The following JARID2 variants were observed in gnomAD, a reference collection of about 807,000 sequenced individuals.
JARID2 encodes protein Jumonji.
Under a neutral mutation model 125.6 loss-of-function variants are expected in JARID2, and 21 were observed. The observed-to-expected ratio is 0.17, with a 90% CI of 0.12 to 0.24. The LOEUF is 0.24. JARID2 is among the 10% of genes least tolerant of loss of function. The pLI, the probability that JARID2 is intolerant of heterozygous loss-of-function variation, is 1.00. For synonymous variants in JARID2, 736 were observed against 661.6 expected (o/e 1.11, Z -1.73); for missense variants, 1,303 against 1,639.6 (o/e 0.79, Z 3.55).
intron 4 of JARID2, among the ~76,000 whole-genome samples, chr6:15,457,671 G>A (rs1418317936): frequency 6.6e-6 from 1 of 150,854 alleles, no homozygotes; most frequent in African/African-American, 2.4e-5. Context: ...ACTTCTTTGG[G>A]ATTTGGAAGA....
intron 1 of JARID2, among the ~76,000 whole-genome samples, chr6:15,372,374 T>C (rs1056987479): frequency 6.6e-5 from 10 of 152,176 alleles, no homozygotes; most frequent in Non-Finnish European, 1.2e-4. Flanking sequence ...TTATTATTAT[T>C]TTTAGACAGA....
chr6:15,468,954 G>A (rs1768882974), intron 5 of JARID2, among the ~76,000 whole-genome samples: 2 of 152,150 alleles, frequency 1.3e-5, no homozygotes, highest in African/African-American at 4.8e-5. Context: ...TATAAGAGCT[G>A]TAGATAAACA....
intron 1 of JARID2, among the ~76,000 whole-genome samples, chr6:15,266,620 A>G (rs1760093304): frequency 6.6e-6 from 1 of 152,146 alleles, no homozygotes; most frequent in Non-Finnish European, 1.5e-5. Context: ...TCTTTCATCA[A>G]AGTTTCTTCT....
At chr6:15,320,944 A>G (rs936960528) in intron 1 of JARID2, among the ~76,000 whole-genome samples, 2 of 151,392 alleles carry the variant, frequency 1.3e-5, no homozygotes, top group African/African-American at 4.9e-5. Flanking sequence ...ATGCTGGTAC[A>G]TTTTCTCATC....
chr6:15,295,089 G>A (rs1231809152), intron 1 of JARID2, among the ~76,000 whole-genome samples: 1 of 150,562 alleles, frequency 6.6e-6, no homozygotes, highest in Non-Finnish European at 1.5e-5. Context: ...GACCATTTGT[G>A]TGACCAGATG....
intron 1 of JARID2, among the ~76,000 whole-genome samples, chr6:15,356,556 T>C (rs1157702754): frequency 1.3e-5 from 2 of 152,222 alleles, no homozygotes; most frequent in South Asian, 4.1e-4. Context: ...GAGAGCATTT[T>C]TTTTTTAGGC....
At position 15,521,468 on chromosome 6, in the gene JARID2, G is replaced by A. The variant is rs1771848870; in HGVS notation, c.*1217G>A. The A allele has an allele frequency of 6.6e-6, 1 of 151,974 alleles. No individual in the cohort carries two copies. The highest frequency in any genetic ancestry group is 2.4e-5 in the African/African-American group (1 of 41,332). 9.4% of individuals were successfully genotyped at this position (151,974 alleles called of 1,614,324 possible). A position where few individuals can be genotyped will look rare whatever the true frequency, so the allele number is the denominator to read the frequency against. ...AGATGAAGAAAAGCCTTACATTTCAGTTTCTTCATCGGTTGGATTGGATGC... is the reference window on the plus strand; with the variant it reads ...AGATGAAGAAAAGCCTTACATTTCAATTTCTTCATCGGTTGGATTGGATGC... On this transcript the variant is annotated 3_prime_UTR_variant, in exon 18 of 18. Transcript: ENST00000341776.
chr6:15,440,808 A>G (rs546556617), intron 3 of JARID2, among the ~76,000 whole-genome samples: 1 of 152,344 alleles, frequency 6.6e-6, no homozygotes, highest in African/African-American at 2.4e-5. Context: ...GTTTTCCTAA[A>G]GTTCATTAGC....
chr6:15,291,928 A>G (rs1195916509), intron 1 of JARID2, among the ~76,000 whole-genome samples: 2 of 152,062 alleles, frequency 1.3e-5, no homozygotes, highest in Non-Finnish European at 2.9e-5. Context: ...CATATGTTCC[A>G]TAATAACAAA....
At chr6:15,432,301 G>A (rs774345317) in intron 3 of JARID2, among the ~76,000 whole-genome samples, 9 of 152,014 alleles carry the variant, frequency 5.9e-5, no homozygotes, top group African/African-American at 7.3e-5. Flanking sequence ...GGTGGCTCAC[G>A]CCTATAATCC....
chr6:15,452,827 G>T (rs530887114), intron 4 of JARID2, among the ~76,000 whole-genome samples: 2 of 152,232 alleles, frequency 1.3e-5, no homozygotes, highest in African/African-American at 4.8e-5. Flanking sequence ...GAACACAGAA[G>T]ATTGAGAGAA....
intron 4 of JARID2, among the ~76,000 whole-genome samples, chr6:15,456,413 A>AT: frequency 6.6e-6 from 1 of 152,346 alleles, no homozygotes; most frequent in African/African-American, 2.4e-5. Flanking sequence ...TTTAAAACAA[A>AT]TTTAAAAAAA....
chr6:15,413,002 G>GTTTTTTTTTTTTTTTTTT lies in JARID2; in HGVS notation c.323+2642_323+2643insTTTTTTTTTTTTTTTTTT, dbSNP rs745910520. On this transcript the variant is annotated intron_variant, in intron 3 of 17. Transcript: ENST00000341776. ...AACATTATACATGGGAAGAGCTTGTGTTTTTGTTTTTTTTTTTTTTGTTTT... is the reference window on the plus strand; with the variant it reads ...AACATTATACATGGGAAGAGCTTGTGTTTTTTTTTTTTTTTTTTTTTTTGTTTTTTTTTTTTTTGTTTT... Among the ~76,000 whole-genome samples, 30 of 46,554 alleles carry GTTTTTTTTTTTTTTTTTT rather than the reference G, an allele frequency of 6.4e-4. 8 individuals are homozygous for GTTTTTTTTTTTTTTTTTT. The highest frequency in any genetic ancestry group is 1.3e-3 in the African/African-American group (14 of 10,770). 30.5% of individuals were successfully genotyped at this position (46,554 alleles called of 152,430 possible). A position where few individuals can be genotyped will look rare whatever the true frequency, so the allele number is the denominator to read the frequency against.
intron 3 of JARID2, among the ~76,000 whole-genome samples, chr6:15,415,522 G>T (rs926644369): frequency 4.6e-5 from 6 of 129,966 alleles, no homozygotes; most frequent in Admixed American, 3.7e-4. Flanking sequence ...GGGCTGCCGG[G>T]CAGAGGCGCC....
At chr6:15,510,013 C>T (rs1429974195) in intron 12 of JARID2, among the ~76,000 whole-genome samples, 1 of 152,158 alleles carries the variant, frequency 6.6e-6, no homozygotes, top group Non-Finnish European at 1.5e-5. Flanking sequence ...AAAAAAAATA[C>T]TTCCTTCACT....
In JARID2 at chr6:15,496,599, G is replaced by A; in HGVS notation, c.1374G>A (p.Lys458=). 8 of 1,603,338 alleles carry A rather than the reference G, an allele frequency of 5.0e-6. No individual in the cohort carries two copies. Among genetic ancestry groups the A allele is most frequent in the Non-Finnish European group, 6.8e-6 (8 of 1,176,472 alleles). ...CGGAGAAGCCGCAGTCGCCCCCCAA[G>A]AAGATGAAAGGGGCGGCTGGCCCCG... The part of the protein sequence containing the change: ...HQAEKPQSPP[K]KMKGAAGPAE... The change falls in exon 7 of 18, where the codon AAG becomes AAA. Residue 458 remains lysine (K), a synonymous_variant. Coordinates refer to ENST00000341776, the MANE Select transcript of JARID2 (RefSeq NM_004973.4).
rs112824332 is a variant in JARID2, at chr6:15,519,771, G to A, written c.3559-298G>A. On this transcript the variant is annotated intron_variant, in intron 17 of 17. Coordinates refer to ENST00000341776, the MANE Select transcript of JARID2 (RefSeq NM_004973.4). ...CCTGGGTCTCTTTGCTGAGTGCTCC[G>A]TGGTAGAGGCAGTGCTCTGGGCTCC... Among the ~76,000 whole-genome samples, 590 of 152,244 alleles carry A rather than the reference G, an allele frequency of 3.9e-3. 5 individuals are homozygous for A. The highest frequency in any genetic ancestry group is 4.0e-3 in the Non-Finnish European group (274 of 68,020).
intron 4 of JARID2, among the ~76,000 whole-genome samples, chr6:15,457,475 T>G (rs1218787533): frequency 1.3e-5 from 2 of 152,174 alleles, no homozygotes; most frequent in Non-Finnish European, 2.9e-5. Context: ...CAGCGAGCAC[T>G]GTGAGGGGTA....
At chr6:15,264,892 C>T (rs1031458059) in intron 1 of JARID2, among the ~76,000 whole-genome samples, 1 of 152,036 alleles carries the variant, frequency 6.6e-6, no homozygotes, top group African/African-American at 2.4e-5. Context: ...CCCAATAATG[C>T]CTAGGTTAAC....
Sources: gnomAD v4.1 joint callset for allele counts (sites outside exome capture counted in the v4.1 genomes callset) on GRCh38, gnomAD v4.1.1 for gene constraint, MANE v1.5 for transcripts, NCBI Gene and HGNC (gene_info 2026-07-23, HGNC 2026-07-21) for gene names.